TSPAN1: variants seen among roughly 807,000 people sequenced by gnomAD.
TSPAN1 encodes tetraspanin 1.
TSPAN1 carries 23 observed loss-of-function variants against 26.9 expected under a neutral mutation model. The observed-to-expected ratio is 0.85, with a 90% CI of 0.62 to 1.21. The LOEUF (loss-of-function observed/expected upper bound fraction) is 1.21, where lower values mean the gene tolerates loss of function less well. Ranked by LOEUF, TSPAN1 falls within the 50% of genes most tolerant of loss-of-function variation. The pLI is 0.00. For missense variants in TSPAN1, 283 were observed against 298.4 expected (o/e 0.95, Z 0.38); for synonymous variants, 115 against 114.8 (o/e 1.00, Z -0.01).
At chr1:46,190,898 G>A, downstream of TSPAN1, 1 of 998,452 alleles carries the variant, frequency 1.0e-6, no homozygotes, top group Non-Finnish European at 1.6e-6. Flanking sequence ...CCTGTAAAGA[G>A]CCCTCTAATT....
intron 3 of TSPAN1, among the ~76,000 whole-genome samples, chr1:46,181,593 A>G (rs932749366): frequency 1.3e-5 from 2 of 152,190 alleles, no homozygotes; most frequent in African/African-American, 4.8e-5. Context: ...GGGAGGGCCT[A>G]CCTCTCATCA....
intron 2 of TSPAN1, 32 bp from the exon 3 acceptor site, chr1:46,181,068 A>G: frequency 6.2e-7 from 1 of 1,607,206 alleles, no homozygotes; most frequent in Non-Finnish European, 8.5e-7. Flanking sequence ...CAGGGGAAAC[A>G]AGGCCCTAAC....
At chr1:46,195,766 T>C in the TSPAN1 span, 70 of 1,520,056 alleles carry the variant, frequency 4.6e-5, no homozygotes, top group African/African-American at 8.4e-4. Context: ...AGAAGCAGGG[T>C]TGGAGCTAGG....
At chr1:46,188,960 A>C (rs370793676), downstream of TSPAN1, 106 of 1,611,918 alleles carry the variant, frequency 6.6e-5, no homozygotes, top group Non-Finnish European at 8.8e-5. Context: ...GTCAATAAAT[A>C]GGTTAGATTC....
chr1:46,186,317 C>T (rs1657425897), downstream of TSPAN1, among the ~76,000 whole-genome samples: 1 of 152,016 alleles, frequency 6.6e-6, no homozygotes, highest in Admixed American at 6.5e-5. Flanking sequence ...TCCTTAGGTT[C>T]TGGGAAGCCC....
chr1:46,188,898 A>G (rs1657521394), downstream of TSPAN1: 2 of 1,612,698 alleles, frequency 1.2e-6, no homozygotes, highest in Admixed American at 1.7e-5. Flanking sequence ...TTCCAGCCCA[A>G]AAAGAAATCC....
the TSPAN1 span, chr1:46,192,274 G>A: frequency 1.2e-6 from 2 of 1,614,172 alleles, no homozygotes; most frequent in Non-Finnish European, 1.7e-6. Flanking sequence ...GTTGGTAGGG[G>A]ACTCCAGCCC....
chr1:46,192,148 G>T, the TSPAN1 span: 3 of 1,614,044 alleles, frequency 1.9e-6, no homozygotes, highest in South Asian at 1.1e-5. Flanking sequence ...TGGTAGGATC[G>T]GGAAACGTCA....
rs746677278 is a variant in TSPAN1, at chr1:46,184,979, C to T, written c.458C>T (p.Thr153Ile). Reference sequence around the variant, plus strand: ...CTCCAGCTCAAGTGCTGTGGCTTCACCAACTATACGGATTTTGAGGACTCA... The same window carrying T: ...CTCCAGCTCAAGTGCTGTGGCTTCATCAACTATACGGATTTTGAGGACTCA... Reference protein sequence around the residue: ...TMKGLKCCGFTNYTDFEDSPY... With the variant: ...TMKGLKCCGFINYTDFEDSPY... Residue 153 changes from threonine (T) to isoleucine (I), a missense_variant, in exon 7 of 9, where the codon ACC becomes ATC. Physicochemically the swap from Thr to Ile is moderately conservative, Grantham distance 89. Transcript: ENST00000372003. 6.2e-7 allele frequency: 1 copy of T among 1,614,214 alleles called. No individual in the cohort carries two copies. Among genetic ancestry groups the T allele is most frequent in the South Asian group, 1.1e-5 (1 of 91,082 alleles).
chr1:46,181,119 C>T lies in TSPAN1; in HGVS notation c.12C>T (p.Phe4=), dbSNP rs769868516. 9.9e-6 allele frequency: 16 copies of T among 1,613,858 alleles called. No individual in the cohort carries two copies. In the African/African-American group the frequency reaches 1.7e-4, roughly 18 times the overall value. Residue 4 remains phenylalanine (F), a synonymous_variant, in exon 3 of 9, where the codon TTC becomes TTT. Transcript: ENST00000372003. ...TCCCAGGAGCCACCATGCAGTGCTTCAGCTTCATTAAGACCATGATGATCC... is the reference window on the plus strand; with the variant it reads ...TCCCAGGAGCCACCATGCAGTGCTTTAGCTTCATTAAGACCATGATGATCC... MQC[F]SFIKTMMILF... is the part of the protein sequence containing the mutation.
the TSPAN1 span, chr1:46,194,930 G>C: frequency 6.2e-7 from 1 of 1,614,158 alleles, no homozygotes; most frequent in Non-Finnish European, 8.5e-7. Context: ...CAGAGCCTTG[G>C]CTGTGTCCTT....
chr1:46,188,910 G>C, downstream of TSPAN1: 3 of 1,612,794 alleles, frequency 1.9e-6, no homozygotes, highest in African/African-American at 1.3e-5. Context: ...AAGAAATCCA[G>C]GCCCTCCAGG....
At chr1:46,189,075 T>C (rs1429822916), downstream of TSPAN1, 1 of 1,516,902 alleles carries the variant, frequency 6.6e-7, no homozygotes, top group African/African-American at 1.4e-5. Flanking sequence ...AGGAAGTAAA[T>C]AAATAGACTT....
At chr1:46,185,393 G>C in intron 8 of TSPAN1, 85 bp downstream of exon 8, 1 of 1,608,414 alleles carries the variant, frequency 6.2e-7, no homozygotes, top group Non-Finnish European at 8.5e-7. Flanking sequence ...GGAGGAAACA[G>C]ACTTCTAACT....
the TSPAN1 span, chr1:46,194,458 C>T: frequency 6.2e-7 from 1 of 1,613,924 alleles, no homozygotes. Flanking sequence ...TTGAAGAGCC[C>T]CAGGCACACA....
intron 4 of TSPAN1, 83 bp downstream of exon 4, chr1:46,184,480 T>C: frequency 1.2e-6 from 2 of 1,608,170 alleles, no homozygotes; most frequent in Non-Finnish European, 1.7e-6. Context: ...CAAACCCTGC[T>C]TTGGACCCCC....
Position 46,185,130 on chromosome 1 carries a change from G to A in TSPAN1, c.594+15G>A. On this transcript the variant is annotated intron_variant, in intron 7 of 8. Coordinates refer to ENST00000372003, the MANE Select transcript of TSPAN1 (RefSeq NM_005727.4). ...AAAAAGTAGAGGTGTGGGCTGGCAT[G>A]AGTGGGTGGGGACTGTTTTCATGGC... 6.2e-7 allele frequency: 1 copy of A among 1,614,220 alleles called. No individual in the cohort carries two copies. The highest frequency in any genetic ancestry group is 8.5e-7 in the Non-Finnish European group (1 of 1,180,040).
chr1:46,178,321 C>T (rs1657231775), intron 1 of TSPAN1, among the ~76,000 whole-genome samples: 1 of 150,776 alleles, frequency 6.6e-6, no homozygotes, highest in Non-Finnish European at 1.5e-5. Flanking sequence ...TGCGCCACTG[C>T]ATTCCAGCCT....
chr1:46,187,507 A>G (rs1031522975), downstream of TSPAN1, among the ~76,000 whole-genome samples: 2 of 152,132 alleles, frequency 1.3e-5, no homozygotes, highest in African/African-American at 4.8e-5. Context: ...CTGAGCCCAG[A>G]AAGGAAGAGG....
Sources: gnomAD v4.1 joint callset for allele counts (sites outside exome capture counted in the v4.1 genomes callset) on GRCh38, gnomAD v4.1.1 for gene constraint, MANE v1.5 for transcripts, NCBI Gene and HGNC (gene_info 2026-07-23, HGNC 2026-07-21) for gene names.